The following VRTN variants were observed in gnomAD, a reference collection of about 807,000 sequenced individuals.
VRTN encodes the protein vertnin.
Under a neutral mutation model 18.2 loss-of-function variants are expected in VRTN, and 5 were observed. That is an observed-to-expected ratio of 0.27 (90% CI 0.14 to 0.58). The LOEUF (loss-of-function observed/expected upper bound fraction) is 0.58, where lower values mean the gene tolerates loss of function less well. Among genes scored for constraint, VRTN ranks in the 20% least tolerant of loss-of-function variants. The pLI is 0.91. For synonymous variants in VRTN, 381 were observed against 393.7 expected, an observed-to-expected ratio of 0.97 and a Z score of 0.38; for missense variants, 741 against 939.4, an observed-to-expected ratio of 0.79 and a Z score of 2.76.
intron 1 of VRTN, among the ~76,000 whole-genome samples, chr14:74,322,315 A>G (rs1211679065): frequency 6.6e-6 from 1 of 151,624 alleles, no homozygotes; most frequent in Non-Finnish European, 1.5e-5. Flanking sequence ...AGGTCCAGCT[A>G]ATTTTTATAT....
At chr14:74,350,234 G>A (rs112556738) in intron 1 of VRTN, among the ~76,000 whole-genome samples, 11 of 152,118 alleles carry the variant, frequency 7.2e-5, no homozygotes, top group Admixed American at 2.0e-4. Context: ...TCCATCTGTG[G>A]GTTGGGAGTG....
At chr14:74,304,089 G>A (rs1044315099) in intron 1 of VRTN, among the ~76,000 whole-genome samples, 6 of 151,934 alleles carry the variant, frequency 3.9e-5, no homozygotes, top group African/African-American at 1.5e-4. Context: ...AACCTCAGGT[G>A]ATCTGCCCGC....
At chr14:74,353,687 T>C (rs1341157088) in intron 1 of VRTN, among the ~76,000 whole-genome samples, 2 of 152,142 alleles carry the variant, frequency 1.3e-5, no homozygotes, top group African/African-American at 4.8e-5. Context: ...TAACAAATAA[T>C]CATTTTTATG....
At chr14:74,319,030 GTTGT>G (rs991335891) in intron 1 of VRTN, among the ~76,000 whole-genome samples, 2 of 148,990 alleles carry the variant, frequency 1.3e-5, no homozygotes, top group Admixed American at 6.7e-5. Context: ...ATTTTTTTTT[GTTGT>G]TTGTTTGTTT....
chr14:74,306,172 A>ATATATT (rs1303177798), intron 1 of VRTN: 29 of 75,632 alleles, frequency 3.8e-4, no homozygotes, highest in Non-Finnish European at 7.0e-4. Flanking sequence ...ATATATATAT[A>ATATATT]TTTTTTTTTT....
At position 74,358,843 on chromosome 14, in the gene VRTN, A is replaced by G. The variant is rs754896050; in HGVS notation, c.2060A>G (p.Tyr687Cys). The stretch of plus-strand genomic sequence containing the variant: ...CCCCTCACTGCCCGCTCCACATACT[A>G]CATGTGGAAGCGAGCCCTCTATGAC... ...LFPLTARSTY[Y>C]MWKRALYDGL... The change falls in exon 2 of 2, where the codon TAC becomes TGC. Residue 687 changes from tyrosine (Y) to cysteine (C), a missense_variant. Coordinates refer to ENST00000256362, the MANE Select transcript of VRTN (RefSeq NM_018228.3). This position sits in a 1 kb window ranked among gnomAD's most constrained non-coding sequence, Gnocchi z 5.4. The G allele has an allele frequency of 3.7e-6, 6 of 1,614,086 alleles. No homozygotes were observed. Among genetic ancestry groups the G allele is most frequent in the Non-Finnish European group, 5.1e-6 (6 of 1,179,958 alleles).
At chr14:74,353,224 G>T (rs769079517) in intron 1 of VRTN, among the ~76,000 whole-genome samples, 1 of 152,174 alleles carries the variant, frequency 6.6e-6, no homozygotes. Context: ...TGGGGGCGGA[G>T]GTTGTAGTGA....
rs979971853 is a variant in VRTN, at chr14:74,348,609, G to A, written c.-45G>A. ...ACTTAAATGTCCCAGGCTGGAAGGT[G>A]GAGCGAGAAGTGGATGCCCCCAGGG... On this transcript the variant is annotated 5_prime_UTR_variant, in exon 1 of 2. It introduces an in-frame stop codon into an upstream open reading frame of the 5' UTR. Transcript: ENST00000256362. 2 of 152,316 alleles carry A rather than the reference G, an allele frequency of 1.3e-5. No individual in the cohort carries two copies. Among genetic ancestry groups the A allele is most frequent in the Admixed American group, 6.5e-5 (1 of 15,290 alleles). The allele number at this position is 152,316 out of a possible 1,614,324, so 9.4% of individuals were successfully genotyped here. A position where few individuals can be genotyped will look rare whatever the true frequency, so the allele number is the denominator to read the frequency against.
chr14:74,356,291 C>T (rs1007866125), intron 1 of VRTN, among the ~76,000 whole-genome samples: 5 of 152,094 alleles, frequency 3.3e-5, no homozygotes, highest in Non-Finnish European at 5.9e-5. Context: ...TTAAGTGATT[C>T]TTCTGCCCTA....
intron 1 of VRTN, among the ~76,000 whole-genome samples, chr14:74,304,193 G>C (rs997541127): frequency 1.3e-5 from 2 of 151,598 alleles, no homozygotes; most frequent in Non-Finnish European, 2.9e-5. Flanking sequence ...TTTCGCTCTT[G>C]TGGCTCAGGC....
chr14:74,343,892 T>A (rs2085624540), upstream of VRTN, among the ~76,000 whole-genome samples: 1 of 151,288 alleles, frequency 6.6e-6, no homozygotes, highest in Non-Finnish European at 1.5e-5. Flanking sequence ...GCCTCCCGGG[T>A]TCAAGTGATT....
chr14:74,303,121 T>A (rs539682491), exon 1 of VRTN: 4 of 456,044 alleles, frequency 8.8e-6, no homozygotes, highest in African/African-American at 8.1e-5. Flanking sequence ...CGCCCCCATA[T>A]TTTCTGGGAG....
chr14:74,344,510 A>T (rs974982545), upstream of VRTN, among the ~76,000 whole-genome samples: 3 of 150,482 alleles, frequency 2.0e-5, no homozygotes, highest in African/African-American at 7.3e-5. Flanking sequence ...AGGTGGGCGG[A>T]TCACTTGAGG....
intron 1 of VRTN, chr14:74,305,313 C>T (rs1268997221): frequency 7.5e-6 from 1 of 133,370 alleles, no homozygotes; most frequent in Non-Finnish European, 1.5e-5. Context: ...GCCTGGGTGA[C>T]AAGAGTGAGA....
intron 2 of VRTN, chr14:74,337,959 A>T (rs2085575896): frequency 6.6e-6 from 1 of 152,172 alleles, no homozygotes; most frequent in African/African-American, 2.4e-5. Flanking sequence ...TTTTTATTGT[A>T]AAAGTTATTA....
rs200893219 is a variant in VRTN at position 74,303,731 on chromosome 14, C to CGGAG, written c.-164+555_-164+556insGGAG. 9.0e-3 allele frequency among the ~76,000 whole-genome samples: 1,369 copies of CGGAG among 152,178 alleles called. 59 individuals are homozygous for CGGAG. Among genetic ancestry groups the CGGAG allele is most frequent in the Admixed American group, 0.08 (1,219 of 15,252 alleles). ...CTGGATGTGTCTTCTCACTTTCCTC[C>CGGAG]AATCCTTATTAAGTTTCAACTGCAA... On this transcript the variant is annotated intron_variant, in intron 1 of 2. Coordinates refer to the VRTN transcript ENST00000557177.
intron 2 of VRTN, among the ~76,000 whole-genome samples, chr14:74,340,496 G>A (rs917374651): frequency 4.6e-5 from 7 of 152,048 alleles, no homozygotes; most frequent in Non-Finnish European, 7.4e-5. Context: ...GCCTACCTCC[G>A]CCTCCCAAAG....
chr14:74,320,249 CTTTTTTT>C (rs71115982), intron 1 of VRTN, among the ~76,000 whole-genome samples: 1 of 72,688 alleles, frequency 1.4e-5, no homozygotes, highest in African/African-American at 6.3e-5. Flanking sequence ...GATCCCATCC[CTTTTTTT>C]TTTTTTTTTT....
At chr14:74,317,390 T>G (rs2085424976) in intron 1 of VRTN, among the ~76,000 whole-genome samples, 1 of 152,200 alleles carries the variant, frequency 6.6e-6, no homozygotes, top group Non-Finnish European at 1.5e-5. Flanking sequence ...TTGTTCAGTA[T>G]CTGGATATTT....
Sources: gnomAD v4.1 joint callset for allele counts (sites outside exome capture counted in the v4.1 genomes callset) on GRCh38, gnomAD v4.1.1 for gene constraint, Gnocchi (gnomAD v3.1) non-coding constraint, MANE v1.5 for transcripts, NCBI Gene and HGNC (gene_info 2026-07-23, HGNC 2026-07-21) for gene names.